Variants in PPP1R12A observed in about 807,000 individuals in gnomAD.
PPP1R12A encodes the protein myosin binding subunit.
A neutral mutation model predicts 139.6 loss-of-function variants in PPP1R12A; 19 were observed. That is an observed-to-expected ratio of 0.14 (90% CI 0.09 to 0.20). The LOEUF is 0.20. Among genes scored for constraint, PPP1R12A ranks in the 10% least tolerant of loss-of-function variants. The pLI, the probability that PPP1R12A is intolerant of heterozygous loss-of-function variation, is 1.00. For synonymous variants in PPP1R12A, 427 were observed against 420.6 expected, an observed-to-expected ratio of 1.02 and a Z score of -0.19; for missense variants, 925 against 1,211.5, an observed-to-expected ratio of 0.76 and a Z score of 3.51.
chr12:79,826,855 T>C (rs1011450148), intron 5 of PPP1R12A, among the ~76,000 whole-genome samples: 1 of 152,214 alleles, frequency 6.6e-6, no homozygotes, highest in African/African-American at 2.4e-5. Context: ...TAAGCTTCTC[T>C]CATCTAGTTC....
At chr12:79,903,554 T>C (rs1480746367) in intron 1 of PPP1R12A, among the ~76,000 whole-genome samples, 1 of 152,114 alleles carries the variant, frequency 6.6e-6, no homozygotes, top group African/African-American at 2.4e-5. Context: ...ATCCCCAAGA[T>C]ACCTCATTAA....
At chr12:79,863,099 T>A (rs1210425245) in intron 2 of PPP1R12A, among the ~76,000 whole-genome samples, 1 of 152,152 alleles carries the variant, frequency 6.6e-6, no homozygotes, top group Non-Finnish European at 1.5e-5. Flanking sequence ...AGGGTAACCA[T>A]CAGACTAACA....
chr12:79,852,017 T>C (rs893206658), intron 2 of PPP1R12A, among the ~76,000 whole-genome samples: 26 of 152,190 alleles, frequency 1.7e-4, no homozygotes, highest in African/African-American at 6.0e-4. Flanking sequence ...TTTTCATTTG[T>C]TTCAGGCATG....
chr12:79,881,148 AATAACCCT>A (rs1451424767), intron 1 of PPP1R12A, among the ~76,000 whole-genome samples: 15 of 152,170 alleles, frequency 9.9e-5, no homozygotes, highest in African/African-American at 3.6e-4. Context: ...TAGACCAATG[AATAACCCT>A]ACAATCACCT....
Position 79,935,027 on chromosome 12 carries a change from T to C in PPP1R12A, c.-96A>G, listed in dbSNP as rs1342288968. The stretch of plus-strand genomic sequence containing the variant: ...GGCAGGGGGTGTGTGAATGTTTCTA[T>C]GAGTGCGGGCCAGAGGAGGGCTGGG... On this transcript the variant is annotated 5_prime_UTR_variant, in exon 1 of 25. Transcript: ENST00000450142. 9 of 1,465,684 alleles carry C rather than the reference T, an allele frequency of 6.1e-6. No individual in the cohort carries two copies. The highest frequency in any genetic ancestry group is 8.1e-6 in the Non-Finnish European group (9 of 1,107,596). 90.8% of individuals were successfully genotyped at this position (1,465,684 alleles called of 1,614,324 possible).
chr12:79,803,717 G>A (rs1160730411), intron 14 of PPP1R12A, among the ~76,000 whole-genome samples: 2 of 152,020 alleles, frequency 1.3e-5, no homozygotes, highest in Non-Finnish European at 2.9e-5. Flanking sequence ...TTGAAACAAG[G>A]TTAAGACAAA....
chr12:79,830,992 A>AT (rs1449857928), intron 4 of PPP1R12A, among the ~76,000 whole-genome samples: 1 of 152,164 alleles, frequency 6.6e-6, no homozygotes, highest in Non-Finnish European at 1.5e-5. Flanking sequence ...CTAATAAAGG[A>AT]TTTTGGGAGC....
At chr12:79,792,362 G>A (rs1308643342) in intron 19 of PPP1R12A, among the ~76,000 whole-genome samples, 1 of 152,140 alleles carries the variant, frequency 6.6e-6, no homozygotes, top group East Asian at 1.9e-4. Flanking sequence ...TCCCTATGAG[G>A]TACATCAGCC....
At chr12:79,805,796 A>C (rs1490880917) in intron 13 of PPP1R12A, 28 bp from the exon 14 acceptor site, 1 of 1,583,052 alleles carries the variant, frequency 6.3e-7, no homozygotes, top group East Asian at 2.3e-5. Context: ...GCAACACAAA[A>C]AAGAGAAAAG....
chr12:79,844,582 C>A (rs1879163400), intron 3 of PPP1R12A, among the ~76,000 whole-genome samples: 1 of 152,096 alleles, frequency 6.6e-6, no homozygotes, highest in Non-Finnish European at 1.5e-5. Context: ...ATTTCCTAAC[C>A]CTTCTCCTAC....
At chr12:79,807,604 G>T (rs565831637) in intron 11 of PPP1R12A, among the ~76,000 whole-genome samples, 1 of 151,558 alleles carries the variant, frequency 6.6e-6, no homozygotes, top group South Asian at 2.1e-4. Flanking sequence ...TACTTTAACC[G>T]CAGAAGATCT....
At chr12:79,839,234 C>T (rs1377406124) in intron 3 of PPP1R12A, among the ~76,000 whole-genome samples, 1 of 152,208 alleles carries the variant, frequency 6.6e-6, no homozygotes, top group Non-Finnish European at 1.5e-5. Context: ...TTTCTCCCAT[C>T]TGGAACAGGT....
intron 5 of PPP1R12A, among the ~76,000 whole-genome samples, chr12:79,826,337 G>GT (rs34658905): frequency 0.05 from 5,850 of 117,142 alleles, 120 homozygotes; most frequent in Non-Finnish European, 0.067. Flanking sequence ...ATTGTTTCGG[G>GT]TTTTTTTTTT....
intron 1 of PPP1R12A, among the ~76,000 whole-genome samples, chr12:79,892,309 C>T (rs1884727426): frequency 6.6e-6 from 1 of 152,104 alleles, no homozygotes; most frequent in African/African-American, 2.4e-5. Flanking sequence ...TAAACATGCC[C>T]AATCCGAAAT....
At chr12:79,926,150 A>G (rs1018458143) in intron 1 of PPP1R12A, among the ~76,000 whole-genome samples, 1 of 152,218 alleles carries the variant, frequency 6.6e-6, no homozygotes, top group African/African-American at 2.4e-5. Context: ...ATTGATAATC[A>G]GTAATAGATC....
chr12:79,817,853 A>AATG (rs1875599385), intron 8 of PPP1R12A, among the ~76,000 whole-genome samples: 1 of 152,218 alleles, frequency 6.6e-6, no homozygotes, highest in South Asian at 2.1e-4. Flanking sequence ...TGTAACTAAA[A>AATG]CCTTAACAGT....
chr12:79,864,445 C>T (rs567140833), intron 2 of PPP1R12A, among the ~76,000 whole-genome samples: 227 of 151,950 alleles, frequency 1.5e-3, no homozygotes, highest in Non-Finnish European at 2.8e-3. Context: ...GAAACAAGAG[C>T]AAACAAATTC....
chr12:79,894,485 A>C (rs576592161), intron 1 of PPP1R12A, among the ~76,000 whole-genome samples: 1 of 152,270 alleles, frequency 6.6e-6, no homozygotes, highest in African/African-American at 2.4e-5. Flanking sequence ...CACATCTAAT[A>C]ATCTTAAAAT....
chr12:79,918,944 C>G (rs1259653230), intron 1 of PPP1R12A, among the ~76,000 whole-genome samples: 1 of 151,956 alleles, frequency 6.6e-6, no homozygotes, highest in Non-Finnish European at 1.5e-5. Context: ...GGCGAAACCC[C>G]GTCTCTACTA....
Sources: gnomAD v4.1 joint callset for allele counts (sites outside exome capture counted in the v4.1 genomes callset) on GRCh38, gnomAD v4.1.1 for gene constraint, MANE v1.5 for transcripts, NCBI Gene and HGNC (gene_info 2026-07-23, HGNC 2026-07-21) for gene names.